Variants in RPUSD4 observed in about 807,000 individuals in gnomAD.
RPUSD4 encodes the protein RNA pseudouridine synthase D4, also known as pseudouridylate synthase RPUSD4, mitochondrial.
Under a neutral mutation model 35.4 loss-of-function variants are expected in RPUSD4, and 37 were observed. The ratio of observed to expected loss-of-function variants is 1.04; its 90% CI spans 0.80 to 1.37. The LOEUF (loss-of-function observed/expected upper bound fraction) is 1.37, where lower values mean the gene tolerates loss of function less well. RPUSD4 is among the 40% of genes most tolerant of loss of function. The pLI is 0.00. For missense variants in RPUSD4, 507 were observed against 484.9 expected, an observed-to-expected ratio of 1.05 and a Z score of -0.43; for synonymous variants, 210 against 192.7, an observed-to-expected ratio of 1.09 and a Z score of -0.74.
In RPUSD4 at chr11:126,205,327, G is replaced by C. The variant is rs1214402433; in HGVS notation, c.796+141C>G. On this transcript the variant is annotated intron_variant, in intron 5 of 6. Transcript: ENST00000298317. ...TCTGCTAGCCACAACCATCTCTCTG[G>C]GAGTCCCCGGCCTCAGATCAGCACC... The C allele has an allele frequency of 6.2e-6, 6 of 967,130 alleles. No individual in the cohort carries two copies. The East Asian group carries it at 1.3e-4, about 21-fold the overall frequency. 59.9% of individuals were successfully genotyped at this position (967,130 alleles called of 1,614,324 possible).
intron 3 of RPUSD4, among the ~76,000 whole-genome samples, chr11:126,207,742 T>C (rs1949787267): frequency 6.6e-6 from 1 of 151,904 alleles, no homozygotes; most frequent in South Asian, 2.1e-4. Flanking sequence ...TCCAGCTAGC[T>C]GAAACATGAG....
chr11:126,207,792 T>C (rs1301505844), intron 3 of RPUSD4, among the ~76,000 whole-genome samples: 7 of 152,102 alleles, frequency 4.6e-5, no homozygotes, highest in Middle Eastern at 3.4e-3. Flanking sequence ...TGAGCCAAGA[T>C]TGTGCCACTG....
At chr11:126,211,300 C>G in intron 1 of RPUSD4, 150 bp downstream of exon 1, 1 of 989,734 alleles carries the variant, frequency 1.0e-6, no homozygotes, top group Non-Finnish European at 1.5e-6. Context: ...CCCTTACTGA[C>G]CCCTCCCCTC....
chr11:126,208,288 A>G (rs1949795109), intron 3 of RPUSD4, among the ~76,000 whole-genome samples: 1 of 152,260 alleles, frequency 6.6e-6, no homozygotes. Context: ...CCATCCATAC[A>G]GCGGTATTTC....
chr11:126,211,264 G>T, intron 1 of RPUSD4, 186 bp downstream of exon 1: 1 of 907,024 alleles, frequency 1.1e-6, no homozygotes. Context: ...AGTAGCCAAA[G>T]ATCCAGCTCA....
In RPUSD4 at chr11:126,203,536, A is replaced by G. The variant is rs769637126; in HGVS notation, c.1016T>C (p.Leu339Pro). 2.5e-6 allele frequency: 4 copies of G among 1,614,082 alleles called. No homozygotes were observed. In the East Asian group the frequency reaches 6.7e-5, roughly 27 times the overall value. ...LPALGSGKEE[L>P]NLVCKLPRFF... is the part of the protein sequence containing the mutation. Reference sequence around the variant, plus strand: ...GCGAGGAAGTTTGCAGACCAAGTTGAGTTCCTCCTTCCCGGACCCCAGGGC... The same window carrying G: ...GCGAGGAAGTTTGCAGACCAAGTTGGGTTCCTCCTTCCCGGACCCCAGGGC... Residue 339 changes from leucine (L) to proline (P), a missense_variant, in exon 7 of 7, where the codon CTC becomes CCC. Coordinates refer to ENST00000298317, the MANE Select transcript of RPUSD4 (RefSeq NM_032795.3).
Position 126,211,487 on chromosome 11 carries a change from C to G in RPUSD4, c.152G>C (p.Arg51Pro). 1 of 1,614,076 alleles carries G rather than the reference C, an allele frequency of 6.2e-7. No homozygotes were observed. The highest frequency in any genetic ancestry group is 8.5e-7 in the Non-Finnish European group (1 of 1,179,992). ...INAQRLAEKLRAQKREQDTKK... is the reference protein window; with the variant it reads ...INAQRLAEKLPAQKREQDTKK... ...TGTGTCTTGTTCCCGTTTCTGGGCTCGGAGCTTCTCCGCTAATCTCTGGGC... is the reference window on the plus strand; with the variant it reads ...TGTGTCTTGTTCCCGTTTCTGGGCTGGGAGCTTCTCCGCTAATCTCTGGGC... Residue 51 changes from arginine (R) to proline (P), a missense_variant, in exon 1 of 7, where the codon CGA becomes CCA. Transcript: ENST00000298317.
chr11:126,210,520 T>TACATACATACATACACACACACACACAC (rs746246254), intron 2 of RPUSD4, among the ~76,000 whole-genome samples: 7 of 60,254 alleles, frequency 1.2e-4, no homozygotes, highest in Admixed American at 4.1e-4. Context: ...CCAACATACA[T>TACATACATACATACACACACACACACAC]ACACACACAC....
rs750444924 is a variant in RPUSD4 at position 126,204,278 on chromosome 11, T to C, written c.847A>G (p.Ile283Val). 9 of 1,613,742 alleles carry C rather than the reference T, an allele frequency of 5.6e-6. No homozygotes were observed. Among genetic ancestry groups the C allele is most frequent in the South Asian group, 4.4e-5 (4 of 91,052 alleles). ...TCTGAGTACTTGTGATCACCAAGGA[T>C]TGGACAATCCAATCCAAAAGACAAG... ...VHLSFGLDCP[I>V]LGDHKYSDWN... Residue 283 changes from isoleucine to valine, a missense_variant, in exon 6 of 7, where the codon ATC becomes GTC. Ile to Val is a conservative substitution (Grantham distance 29, BLOSUM62 3). Coordinates refer to ENST00000298317, the MANE Select transcript of RPUSD4 (RefSeq NM_032795.3).
intron 5 of RPUSD4, 55 bp from the exon 6 acceptor site, chr11:126,204,383 A>G (rs1949747300): frequency 6.1e-6 from 8 of 1,321,538 alleles, no homozygotes; most frequent in South Asian, 1.2e-5. Context: ...TACAGAAACA[A>G]TACCAGTATT....
intron 3 of RPUSD4, among the ~76,000 whole-genome samples, chr11:126,207,776 T>C (rs1013100826): frequency 6.6e-6 from 1 of 151,748 alleles, no homozygotes; most frequent in African/African-American, 2.4e-5. Flanking sequence ...AGGGAGGAGG[T>C]TGCAGTGAGC....
chr11:126,211,201 A>G (rs560656492), intron 1 of RPUSD4, 146 bp from the exon 2 acceptor site: 1 of 1,030,616 alleles, frequency 9.7e-7, no homozygotes, highest in African/African-American at 1.6e-5. Context: ...GAGAGCAGAG[A>G]TACCCATCTG....
chr11:126,211,101 G>A, intron 1 of RPUSD4, 46 bp from the exon 2 acceptor site: 2 of 1,599,572 alleles, frequency 1.3e-6, no homozygotes, highest in Admixed American at 1.7e-5. Context: ...TGCGGAAGCC[G>A]TGGAGAAGAC....
At chr11:126,211,161 C>T in intron 1 of RPUSD4, 106 bp from the exon 2 acceptor site, 1 of 1,339,846 alleles carries the variant, frequency 7.5e-7, no homozygotes, top group East Asian at 2.3e-5. Context: ...ACTATCTTTG[C>T]ATCAGACCCG....
At chr11:126,210,859 G>A (rs1337016342) in intron 2 of RPUSD4, 31 bp downstream of exon 2, 3 of 1,591,122 alleles carry the variant, frequency 1.9e-6, no homozygotes, top group East Asian at 2.3e-5. Context: ...AGCAGCTGCA[G>A]GTTCCTCCAC....
At chr11:126,210,809 A>G in intron 2 of RPUSD4, 81 bp downstream of exon 2, 1 of 1,401,514 alleles carries the variant, frequency 7.1e-7, no homozygotes, top group Non-Finnish European at 9.8e-7. Context: ...TTTAGAGTGC[A>G]CCACAAGTAA....
intron 5 of RPUSD4, 108 bp from the exon 6 acceptor site, chr11:126,204,436 G>A (rs566725153): frequency 1.4e-5 from 10 of 715,346 alleles, no homozygotes; most frequent in Non-Finnish European, 1.8e-5. Context: ...GCAGTAAACT[G>A]GCCAAGTCCC....
In RPUSD4 at chr11:126,203,603, A is replaced by G. The variant is rs777706581; in HGVS notation, c.949T>C (p.Tyr317His). ...CGGGCGTGCAGGTGAAGGGGGATGT[A>G]GCGGGCCTTCGACTGTTCTAGCCCC... is the stretch of plus-strand genomic sequence containing the variant. Reference protein sequence around the residue: ...KLGLEQSKARYIPLHLHARQL... With the variant: ...KLGLEQSKARHIPLHLHARQL... Residue 317 changes from tyrosine to histidine, a missense_variant, in exon 7 of 7, where the codon TAC becomes CAC. Tyr to His is a moderately conservative substitution (Grantham distance 83). Transcript: ENST00000298317. The G allele has an allele frequency of 9.9e-6, 16 of 1,614,090 alleles. No homozygotes were observed. The East Asian group carries it at 3.6e-4, about 36-fold the overall frequency.
intron 3 of RPUSD4, chr11:126,208,760 C>T (rs1014516173): frequency 6.6e-6 from 1 of 152,178 alleles, no homozygotes; most frequent in Admixed American, 6.5e-5. Context: ...ATGCCGGACA[C>T]GCGTATACTG....
Sources: allele counts gnomAD v4.1 joint callset (sites outside exome capture counted in the v4.1 genomes callset), GRCh38; gene constraint gnomAD v4.1.1; transcripts MANE v1.5; gene names NCBI Gene and HGNC (gene_info 2026-07-23, HGNC 2026-07-21).